LMO4: variants seen among roughly 807,000 people sequenced by gnomAD.
The protein encoded by LMO4 is LIM domain transcription factor LMO4.
A neutral mutation model predicts 18.5 loss-of-function variants in LMO4; 3 were observed. The ratio of observed to expected loss-of-function variants is 0.16; its 90% CI spans 0.07 to 0.42. The LOEUF is 0.42. Among genes scored for constraint, LMO4 ranks in the 10% least tolerant of loss-of-function variants. The probability of loss-of-function intolerance (pLI) is 0.99; values close to 1 mark genes in which losing one functional copy is unlikely to be tolerated. For missense variants in LMO4, 121 were observed against 219.9 expected (o/e 0.55, Z 2.84); for synonymous variants, 100 against 88.1 (o/e 1.14, Z -0.76).
intron 2 of LMO4, among the ~76,000 whole-genome samples, chr1:87,333,342 A>C (rs913344818): frequency 7.1e-6 from 1 of 141,790 alleles, no homozygotes; most frequent in Admixed American, 6.9e-5. Context: ...GATACTAGAA[A>C]ACCGCACACT....
intron 2 of LMO4, among the ~76,000 whole-genome samples, chr1:87,332,699 T>C (rs1650191407): frequency 6.6e-6 from 1 of 152,186 alleles, no homozygotes; most frequent in African/African-American, 2.4e-5. Context: ...TGGCGATGGC[T>C]TATTAACGAT....
At chr1:87,338,144 A>G (rs561324003) in intron 2 of LMO4, among the ~76,000 whole-genome samples, 8 of 152,346 alleles carry the variant, frequency 5.3e-5, no homozygotes, top group Admixed American at 1.3e-4. Flanking sequence ...TATTTTCAAT[A>G]AAGTGGCGAC....
chr1:87,329,959 G>A (rs1252771289), intron 1 of LMO4, among the ~76,000 whole-genome samples: 1 of 151,150 alleles, frequency 6.6e-6, no homozygotes, highest in African/African-American at 2.4e-5. Context: ...AAATTGCTTG[G>A]CTATGTAATT....
At chr1:87,335,928 A>G (rs1205814541) in intron 2 of LMO4, among the ~76,000 whole-genome samples, 1 of 150,992 alleles carries the variant, frequency 6.6e-6, no homozygotes, top group Non-Finnish European at 1.5e-5. Context: ...ATTTAGGGGG[A>G]ACGTTTATCT....
rs368530532 is a variant in LMO4, at chr1:87,346,913, G to A, written c.*2117G>A. On this transcript the variant is annotated 3_prime_UTR_variant, in exon 5 of 5. Coordinates refer to ENST00000370544, the MANE Select transcript of LMO4 (RefSeq NM_006769.4). ...AAGGAAGTTAGACTGCGATGGTAAA[G>A]GGGGAAATGGGTTAATGAGATTGCA... The A allele has an allele frequency of 4.6e-5, 7 of 152,286 alleles. No homozygotes were observed. The East Asian group carries it at 1.3e-3, about 29-fold the overall frequency. The allele number at this position is 152,286 out of a possible 1,614,324, so 9.4% of individuals were successfully genotyped here. A position where few individuals can be genotyped will look rare whatever the true frequency, so the allele number is the denominator to read the frequency against.
chr1:87,336,967 G>T (rs912686521), intron 2 of LMO4, among the ~76,000 whole-genome samples: 1 of 148,444 alleles, frequency 6.7e-6, no homozygotes, highest in African/African-American at 2.6e-5. Flanking sequence ...GCACAGAAAC[G>T]TTGTGAAAAA....
chr1:87,339,526 T>C lies in LMO4; in HGVS notation c.237-10T>C, dbSNP rs923240742. 3.1e-6 allele frequency: 5 copies of C among 1,605,378 alleles called. No homozygotes were observed. In the African/African-American group the frequency reaches 5.4e-5, roughly 17 times the overall value. Reference sequence around the variant, plus strand: ...TATTCACTGGTGTCAACCGTTATTCTTTGTTTCAGGTTATTTGGAAATAGC... The same window carrying C: ...TATTCACTGGTGTCAACCGTTATTCCTTGTTTCAGGTTATTTGGAAATAGC... On this transcript the variant is annotated splice_polypyrimidine_tract_variant and intron_variant, in intron 2 of 4. Transcript: ENST00000370544.
At chr1:87,329,350 A>C (rs1454785710) in intron 1 of LMO4, 106 bp downstream of exon 1, 2 of 152,248 alleles carry the variant, frequency 1.3e-5, no homozygotes, top group African/African-American at 4.8e-5. Flanking sequence ...TGACCGTCCC[A>C]AATTGCAAGT....
Position 87,346,846 on chromosome 1 carries a change from C to T in LMO4, c.*2050C>T. 6.6e-6 allele frequency: 1 copy of T among 152,062 alleles called. No individual in the cohort carries two copies. Among genetic ancestry groups the T allele is most frequent in the East Asian group, 1.9e-4 (1 of 5,204 alleles). 9.4% of individuals were successfully genotyped at this position (152,062 alleles called of 1,614,324 possible). On this transcript the variant is annotated 3_prime_UTR_variant, in exon 5 of 5. Transcript: ENST00000370544. Reference sequence around the variant, plus strand: ...CTTGGGGAATTTCTTCAAACTAGTTCTGGTTCTTATATTTGTTTTTTTTCC... The same window carrying T: ...CTTGGGGAATTTCTTCAAACTAGTTTTGGTTCTTATATTTGTTTTTTTTCC...
chr1:87,344,281 A>G lies in LMO4; in HGVS notation c.490-507A>G, dbSNP rs1650569933. 3.3e-5 allele frequency among the ~76,000 whole-genome samples: 5 copies of G among 152,206 alleles called. No homozygotes were observed. In the South Asian group the frequency reaches 1.0e-3, roughly 32 times the overall value. On this transcript the variant is annotated intron_variant, in intron 4 of 4. Transcript: ENST00000370544. ...GCCAAGCACTGTTGAAAGTGCTCCC[A>G]TATGTATTATGTAATTATCATAACA...
intron 2 of LMO4, among the ~76,000 whole-genome samples, chr1:87,334,878 C>CTCCTCCATTTTCT (rs1553157389): frequency 1.3e-5 from 2 of 152,186 alleles, no homozygotes; most frequent in Non-Finnish European, 2.9e-5. Flanking sequence ...TAATTAGTGG[C>CTCCTCCATTTTCT]TCCTCCATTT....
At position 87,339,586 on chromosome 1, in the gene LMO4, C is replaced by T. The variant is rs771825798; in HGVS notation, c.287C>T (p.Ala96Val). The change falls in exon 3 of 5, where the codon GCG becomes GTG. Residue 96 changes from alanine (A) to valine (V), a missense_variant. Around this residue, in one of 4 missense-constraint regions of LMO4, gnomAD observed 62 missense variants for 128.8 expected, o/e 0.48. Coordinates refer to ENST00000370544, the MANE Select transcript of LMO4 (RefSeq NM_006769.4). ...AGCGCTTGCGGACAGTCGATTCCTGCGAGTGAACTCGTCATGAGGGCGCAA... is the reference window on the plus strand; with the variant it reads ...AGCGCTTGCGGACAGTCGATTCCTGTGAGTGAACTCGTCATGAGGGCGCAA... ...ACSACGQSIP[A>V]SELVMRAQGN... The T allele has an allele frequency of 6.2e-7, 1 of 1,613,664 alleles. No individual in the cohort carries two copies. Among genetic ancestry groups the T allele is most frequent in the Non-Finnish European group, 8.5e-7 (1 of 1,179,772 alleles).
intron 1 of LMO4, among the ~76,000 whole-genome samples, chr1:87,329,652 T>G (rs1171242583): frequency 1.3e-5 from 2 of 152,170 alleles, no homozygotes; most frequent in African/African-American, 4.8e-5. Context: ...GTAAACACTA[T>G]TTTTGAAACA....
At chr1:87,336,386 T>C (rs2100560152) in intron 2 of LMO4, among the ~76,000 whole-genome samples, 1 of 152,314 alleles carries the variant, frequency 6.6e-6, no homozygotes, top group Non-Finnish European at 1.5e-5. Context: ...CAGGTAGCGT[T>C]TCATATTGCA....
At chr1:87,331,981 TTCTC>T (rs1650168582) in intron 1 of LMO4, 28 bp from the exon 2 acceptor site, 2 of 1,569,028 alleles carry the variant, frequency 1.3e-6, no homozygotes, top group South Asian at 1.1e-5. Context: ...TGTTTTGTCT[TTCTC>T]TCCCTGTCCC....
chr1:87,344,095 A>G (rs184722106), intron 4 of LMO4, among the ~76,000 whole-genome samples: 1 of 152,342 alleles, frequency 6.6e-6, no homozygotes, highest in Admixed American at 6.5e-5. Context: ...ATTAAGTGAC[A>G]TAGCAGATAA....
intron 2 of LMO4, among the ~76,000 whole-genome samples, chr1:87,337,874 A>G (rs1650357045): frequency 6.6e-6 from 1 of 152,122 alleles, no homozygotes; most frequent in Admixed American, 6.5e-5. Context: ...AAGCTCCCAC[A>G]TGGTGTGGTC....
intron 4 of LMO4, among the ~76,000 whole-genome samples, chr1:87,342,133 T>C (rs1650515403): frequency 1.3e-5 from 2 of 152,156 alleles, no homozygotes; most frequent in South Asian, 4.1e-4. Context: ...CAAAGTACTA[T>C]ACAAAAAAAT....
At chr1:87,341,547 G>C (rs1215999465) in intron 4 of LMO4, among the ~76,000 whole-genome samples, 1 of 152,122 alleles carries the variant, frequency 6.6e-6, no homozygotes, top group Non-Finnish European at 1.5e-5. Flanking sequence ...CATTTTCTTA[G>C]TGCGGTGGTG....
Sources: allele counts gnomAD v4.1 joint callset (sites outside exome capture counted in the v4.1 genomes callset), GRCh38; gene constraint gnomAD v4.1.1; regional missense constraint gnomAD v4.1.1; transcripts MANE v1.5; gene names NCBI Gene and HGNC (gene_info 2026-07-23, HGNC 2026-07-21).